PLEKHA5: variants seen among roughly 807,000 people sequenced by gnomAD.
The protein encoded by PLEKHA5 is pleckstrin homology domain containing A5.
In PLEKHA5, 55 loss-of-function variants were observed where a neutral mutation model predicts 181.9. That is an observed-to-expected ratio of 0.30 (90% CI 0.24 to 0.38). The LOEUF (loss-of-function observed/expected upper bound fraction) is 0.38, where lower values mean the gene tolerates loss of function less well. PLEKHA5 is among the 10% of genes least tolerant of loss of function. The pLI is 1.00. For missense variants in PLEKHA5, 1,432 were observed against 1,549.5 expected (o/e 0.92, Z 1.27); for synonymous variants, 535 against 529.4 (o/e 1.01, Z -0.15).
intron 15 of PLEKHA5, among the ~76,000 whole-genome samples, chr12:19,294,804 A>G (rs749284486): frequency 1.3e-5 from 2 of 152,206 alleles, no homozygotes; most frequent in Admixed American, 6.5e-5. Flanking sequence ...CTGCAGATTT[A>G]CATATTAAGC....
At chr12:19,365,818 T>G in intron 29 of PLEKHA5, 146 bp from the exon 30 acceptor site, 1 of 593,782 alleles carries the variant, frequency 1.7e-6, no homozygotes, top group Non-Finnish European at 2.9e-6. Context: ...ATTCTTTTGT[T>G]TGAAACTTTC....
In PLEKHA5 at chr12:19,314,834, T is replaced by C; in HGVS notation, c.2058T>C (p.Ile686=). 6.5e-7 allele frequency: 1 copy of C among 1,544,652 alleles called. No individual in the cohort carries two copies. The highest frequency in any genetic ancestry group is 8.8e-7 in the Non-Finnish European group (1 of 1,140,754). ...LDHQMKENEP[I]ITMVHTMIEN... ...AATAGATGAAAGAAAATGAACCTAT[T>C]ATCACCATGGTTCACACAATGATTG... The change falls in exon 16 of 32, where the codon ATT becomes ATC. Residue 686 remains isoleucine (I), a synonymous_variant. Transcript: ENST00000429027.
At chr12:19,175,861 A>T (rs77759361) in intron 3 of PLEKHA5, among the ~76,000 whole-genome samples, 1 of 152,176 alleles carries the variant, frequency 6.6e-6, no homozygotes, top group African/African-American at 2.4e-5. Context: ...TAGTACCAAG[A>T]TACAATTAAA....
At chr12:19,278,832 G>A (rs192495892) in intron 11 of PLEKHA5, among the ~76,000 whole-genome samples, 97 of 152,236 alleles carry the variant, frequency 6.4e-4, no homozygotes, top group African/African-American at 2.0e-3. Context: ...GCATCGAATC[G>A]GATGGTTGGC....
chr12:19,186,441 A>G (rs561652326), intron 3 of PLEKHA5, among the ~76,000 whole-genome samples: 26 of 152,336 alleles, frequency 1.7e-4, no homozygotes, highest in East Asian at 1.3e-3. Flanking sequence ...CAGGTTCACA[A>G]TGATGTTCGT....
At chr12:19,250,815 A>G (rs1266736797) in intron 3 of PLEKHA5, among the ~76,000 whole-genome samples, 1 of 152,142 alleles carries the variant, frequency 6.6e-6, no homozygotes, top group Non-Finnish European at 1.5e-5. Flanking sequence ...TAGTAGTGCA[A>G]TACGTATTGC....
chr12:19,199,903 C>T (rs183997674), intron 3 of PLEKHA5, among the ~76,000 whole-genome samples: 3 of 152,112 alleles, frequency 2.0e-5, no homozygotes, highest in Admixed American at 2.0e-4. Context: ...GAAAGACAAA[C>T]AGCACATGTT....
intron 15 of PLEKHA5, among the ~76,000 whole-genome samples, chr12:19,302,603 GC>G (rs1227791312): frequency 6.6e-6 from 1 of 151,902 alleles, no homozygotes; most frequent in Non-Finnish European, 1.5e-5. Flanking sequence ...CACCATGTTA[GC>G]CAGGCTGGTC....
intron 11 of PLEKHA5, among the ~76,000 whole-genome samples, chr12:19,281,845 G>A (rs77516327): frequency 0.058 from 8,828 of 151,904 alleles, 440 homozygotes; most frequent in East Asian, 0.18. Context: ...GCACTGGCGC[G>A]ATCTTGTCTC....
intron 15 of PLEKHA5, 133 bp downstream of exon 15, chr12:19,291,830 A>G: frequency 1.8e-6 from 1 of 540,662 alleles, no homozygotes; most frequent in Non-Finnish European, 3.2e-6. Context: ...ATAGAATATG[A>G]AATCTCTGAC....
chr12:19,142,710 T>A (rs2037760513), intron 3 of PLEKHA5, among the ~76,000 whole-genome samples: 1 of 152,204 alleles, frequency 6.6e-6, no homozygotes, highest in Non-Finnish European at 1.5e-5. Flanking sequence ...TCAGCAAATT[T>A]CCAGTATACA....
chr12:19,295,270 A>G (rs190869677), intron 15 of PLEKHA5, among the ~76,000 whole-genome samples: 1 of 152,330 alleles, frequency 6.6e-6, no homozygotes, highest in African/African-American at 2.4e-5. Flanking sequence ...GTTACAGTTT[A>G]AGTGAAACTT....
At chr12:19,219,579 T>A (rs953174921) in intron 3 of PLEKHA5, among the ~76,000 whole-genome samples, 1 of 151,900 alleles carries the variant, frequency 6.6e-6, no homozygotes, top group African/African-American at 2.4e-5. Flanking sequence ...TTTGTTACTA[T>A]ACATTGAATA....
intron 30 of PLEKHA5, among the ~76,000 whole-genome samples, chr12:19,367,282 T>C (rs1360845942): frequency 1.6e-5 from 1 of 61,494 alleles, no homozygotes; most frequent in Non-Finnish European, 3.8e-5. Flanking sequence ...TTTTTTTTTT[T>C]TGAAGCTCTT....
At chr12:19,164,713 C>T (rs1020376692) in intron 3 of PLEKHA5, among the ~76,000 whole-genome samples, 1 of 152,112 alleles carries the variant, frequency 6.6e-6, no homozygotes, top group African/African-American at 2.4e-5. Flanking sequence ...GCCTTGCTTG[C>T]TTATATCCTT....
chr12:19,315,187 T>C (rs1248848449), intron 16 of PLEKHA5, among the ~76,000 whole-genome samples: 1 of 152,152 alleles, frequency 6.6e-6, no homozygotes, highest in Non-Finnish European at 1.5e-5. Context: ...ATTTGCAAAA[T>C]TACTAGATTT....
chr12:19,178,340 A>G (rs1049354645), intron 3 of PLEKHA5, among the ~76,000 whole-genome samples: 8 of 152,212 alleles, frequency 5.3e-5, no homozygotes, highest in Non-Finnish European at 1.2e-4. Flanking sequence ...TCGCTGAAAC[A>G]TCAAACTGAT....
chr12:19,254,344 T>C (rs1354193489), intron 4 of PLEKHA5, among the ~76,000 whole-genome samples: 1 of 152,312 alleles, frequency 6.6e-6, no homozygotes, highest in Non-Finnish European at 1.5e-5. Flanking sequence ...TTAAATCAGA[T>C]AGTGGTAATT....
intron 3 of PLEKHA5, among the ~76,000 whole-genome samples, chr12:19,212,635 G>A (rs1341621363): frequency 2.6e-5 from 4 of 151,754 alleles, no homozygotes; most frequent in South Asian, 2.1e-4. Context: ...ACCCTGTCTC[G>A]AATAAAAGAA....
Sources: allele counts gnomAD v4.1 joint callset (sites outside exome capture counted in the v4.1 genomes callset), GRCh38; gene constraint gnomAD v4.1.1; transcripts MANE v1.5; gene names NCBI Gene and HGNC (gene_info 2026-07-23, HGNC 2026-07-21).